The following CDH12 variants were observed in gnomAD, a reference collection of about 807,000 sequenced individuals.
CDH12 encodes the protein cadherin 12, also known as cadherin-12.
A neutral mutation model predicts 74.1 loss-of-function variants in CDH12; 41 were observed. That is an observed-to-expected ratio of 0.55 (90% CI 0.43 to 0.72). The LOEUF (loss-of-function observed/expected upper bound fraction) is 0.72, where lower values mean the gene tolerates loss of function less well. Ranked by LOEUF, CDH12 falls within the 30% of genes least tolerant of loss-of-function variation. The probability of loss-of-function intolerance (pLI) is 0.00; values close to 1 mark genes in which losing one functional copy is unlikely to be tolerated. For missense variants in CDH12, 945 were observed against 977.2 expected (o/e 0.97, Z 0.44); for synonymous variants, 399 against 355.0 (o/e 1.12, Z -1.39).
At chr5:22,379,646 AT>A (rs1741676468) in intron 3 of CDH12, among the ~76,000 whole-genome samples, 1 of 152,210 alleles carries the variant, frequency 6.6e-6, no homozygotes, top group South Asian at 2.1e-4. Context: ...TTAACAATGA[AT>A]TAGGGATAAT....
At chr5:22,440,030 A>C (rs1744562010) in intron 2 of CDH12, among the ~76,000 whole-genome samples, 1 of 152,114 alleles carries the variant, frequency 6.6e-6, no homozygotes, top group African/African-American at 2.4e-5. Context: ...ATGAGTGTCA[A>C]GTGTCTGCTC....
At chr5:22,086,025 T>C (rs1229384673) in intron 4 of CDH12, among the ~76,000 whole-genome samples, 1 of 152,196 alleles carries the variant, frequency 6.6e-6, no homozygotes, top group Admixed American at 6.5e-5. Context: ...CATACATCCC[T>C]AATGCAGCTT....
intron 5 of CDH12, among the ~76,000 whole-genome samples, chr5:21,987,978 A>C (rs1291024103): frequency 6.6e-6 from 1 of 152,060 alleles, no homozygotes; most frequent in Non-Finnish European, 1.5e-5. Context: ...ATAATAATCT[A>C]AGGACAGCTA....
chr5:21,778,499 C>A (rs1579684104), intron 11 of CDH12, among the ~76,000 whole-genome samples: 7 of 120,176 alleles, frequency 5.8e-5, no homozygotes, highest in Non-Finnish European at 3.5e-5. Context: ...AAACTTCAGA[C>A]GATTCTGCCG....
Position 21,880,505 on chromosome 5 carries a change from C to CCTTCCTTCCTT in CDH12, c.527-25716_527-25715insAAGGAAGGAAG, listed in dbSNP as rs1304688195. 5.0e-3 allele frequency among the ~76,000 whole-genome samples: 31 copies of CCTTCCTTCCTT among 6,144 alleles called. 4 individuals are homozygous for CCTTCCTTCCTT. The highest frequency in any genetic ancestry group is 6.9e-3 in the African/African-American group (27 of 3,924). 4.0% of individuals were successfully genotyped at this position (6,144 alleles called of 152,430 possible). On this transcript the variant is annotated intron_variant, in intron 6 of 14. Coordinates refer to ENST00000382254, the MANE Select transcript of CDH12 (RefSeq NM_004061.5). ...TTCCTTCCTTCCTTCCTTCCTTCCT[C>CCTTCCTTCCTT]CCTCCCTCCCTCTTTTCTTTCTTCC...
intron 6 of CDH12, among the ~76,000 whole-genome samples, chr5:21,910,185 C>A (rs1175292130): frequency 6.6e-6 from 1 of 152,098 alleles, no homozygotes; most frequent in African/African-American, 2.4e-5. Flanking sequence ...ATCCCACATG[C>A]ATTATTCAGA....
intron 5 of CDH12, among the ~76,000 whole-genome samples, chr5:22,027,505 G>C (rs1051689632): frequency 1.8e-4 from 28 of 152,202 alleles, no homozygotes; most frequent in African/African-American, 6.5e-4. Context: ...TGTTATTGGT[G>C]TATTCAGAGA....
At chr5:22,642,129 A>G (rs1419192498) in intron 1 of CDH12, among the ~76,000 whole-genome samples, 3 of 152,234 alleles carry the variant, frequency 2.0e-5, no homozygotes, top group Non-Finnish European at 4.4e-5. Flanking sequence ...CCAATAATAG[A>G]GCAGAATAAT....
chr5:22,231,290 C>T (rs1305240374), intron 3 of CDH12, among the ~76,000 whole-genome samples: 1 of 152,032 alleles, frequency 6.6e-6, no homozygotes, highest in Non-Finnish European at 1.5e-5. Context: ...TATATTGGCT[C>T]AAATTTATTC....
chr5:22,748,637 T>C (rs891938071), intron 1 of CDH12, among the ~76,000 whole-genome samples: 1 of 152,158 alleles, frequency 6.6e-6, no homozygotes, highest in Non-Finnish European at 1.5e-5. Flanking sequence ...CCTCTGTGTA[T>C]AGAGTACACC....
chr5:22,760,702 A>C (rs866737550), intron 1 of CDH12, among the ~76,000 whole-genome samples: 33 of 126,846 alleles, frequency 2.6e-4, no homozygotes, highest in African/African-American at 9.5e-4. Context: ...AAAAAAAAAC[A>C]AAAAAAAAAA....
intron 3 of CDH12, among the ~76,000 whole-genome samples, chr5:22,244,355 T>A (rs1446659563): frequency 6.7e-6 from 1 of 150,118 alleles, no homozygotes; most frequent in Non-Finnish European, 1.5e-5. Flanking sequence ...CCTAGCTGGG[T>A]GTGGTGGTGT....
intron 1 of CDH12, among the ~76,000 whole-genome samples, chr5:22,705,150 C>T (rs1383865004): frequency 1.3e-5 from 2 of 149,018 alleles, no homozygotes; most frequent in Admixed American, 1.3e-4. Flanking sequence ...CACACACACA[C>T]ACACACACAC....
intron 4 of CDH12, chr5:22,142,497 A>C (rs1379613765): frequency 1.6e-6 from 1 of 644,816 alleles, no homozygotes; most frequent in Admixed American, 1.9e-5. Context: ...AATGGGGTTC[A>C]GGATACCGAA....
chr5:22,234,332 C>T (rs1404338922), intron 3 of CDH12, among the ~76,000 whole-genome samples: 3 of 152,052 alleles, frequency 2.0e-5, no homozygotes, highest in African/African-American at 7.2e-5. Context: ...GAAAGGGGGG[C>T]GTAATTGAAT....
rs72636101 is a variant in CDH12, at chr5:22,363,109, T to G, written c.-333+42148A>C. 3.7e-3 allele frequency among the ~76,000 whole-genome samples: 558 copies of G among 151,990 alleles called. 21 individuals carry two copies. The East Asian group carries it at 0.085, about 23-fold the overall frequency. ...AAACAAATTTATTATACTACAGAAA[T>G]AAATGGAGCTCTGTGTATATTAGAC... is the stretch of plus-strand genomic sequence containing the variant. On this transcript the variant is annotated intron_variant, in intron 3 of 14. Transcript: ENST00000382254.
intron 1 of CDH12, among the ~76,000 whole-genome samples, chr5:22,756,937 C>A (rs529165492): frequency 4.2e-4 from 62 of 147,770 alleles, no homozygotes; most frequent in African/African-American, 1.6e-3. Flanking sequence ...CCAGTCTAGG[C>A]AACAGAGAAA....
At chr5:22,663,041 C>A (rs1038273893) in intron 1 of CDH12, among the ~76,000 whole-genome samples, 1 of 152,050 alleles carries the variant, frequency 6.6e-6, no homozygotes, top group Non-Finnish European at 1.5e-5. Flanking sequence ...GTAAACCTGG[C>A]TTTAGGGGTT....
chr5:22,609,995 G>A lies in CDH12; in HGVS notation c.-522-104631C>T, dbSNP rs145072859. ...GTTCCACCTGTGTTAGACATTGATT[G>A]CTGCTTACTAATTTCATTTTCTCTT... On this transcript the variant is annotated intron_variant, in intron 1 of 14. Transcript: ENST00000382254. Among the ~76,000 whole-genome samples, 551 of 152,346 alleles carry A rather than the reference G, an allele frequency of 3.6e-3. 1 individual carries two copies. The highest frequency in any genetic ancestry group is 0.01 in the African/African-American group (424 of 41,590).
Sources: gnomAD v4.1 joint callset for allele counts (sites outside exome capture counted in the v4.1 genomes callset) on GRCh38, gnomAD v4.1.1 for gene constraint, MANE v1.5 for transcripts, NCBI Gene and HGNC (gene_info 2026-07-23, HGNC 2026-07-21) for gene names.